HERC4: variants seen among roughly 807,000 people sequenced by gnomAD.
HERC4 encodes HECT and RLD domain containing E3 ubiquitin protein ligase 4, also known as probable E3 ubiquitin-protein ligase HERC4.
Under a neutral mutation model 124.3 loss-of-function variants are expected in HERC4, and 28 were observed. The observed-to-expected ratio is 0.23, with a 90% CI of 0.17 to 0.31. HERC4 has a LOEUF of 0.31. Among genes scored for constraint, HERC4 ranks in the 10% least tolerant of loss-of-function variants. The pLI is 1.00. For missense variants in HERC4, 713 were observed against 1,229.3 expected, an observed-to-expected ratio of 0.58 and a Z score of 6.28; for synonymous variants, 407 against 421.5, an observed-to-expected ratio of 0.97 and a Z score of 0.42.
At chr10:68,049,498 T>G (rs2040178509) in intron 3 of HERC4, among the ~76,000 whole-genome samples, 1 of 134,360 alleles carries the variant, frequency 7.4e-6, no homozygotes, top group African/African-American at 2.9e-5. Flanking sequence ...AATCTCACTA[T>G]GAGAACTGCC....
intron 19 of HERC4, among the ~76,000 whole-genome samples, chr10:67,951,725 T>C (rs2033807064): frequency 6.6e-6 from 1 of 152,172 alleles, no homozygotes; most frequent in Non-Finnish European, 1.5e-5. Context: ...TAGACTTCTT[T>C]CCATTTGCCA....
At chr10:68,047,929 G>GTT (rs561005842) in intron 3 of HERC4, among the ~76,000 whole-genome samples, 14 of 145,544 alleles carry the variant, frequency 9.6e-5, no homozygotes, top group South Asian at 8.7e-4. Flanking sequence ...TTTTGTTTTT[G>GTT]TTTTTTTTTT....
rs1032212682 is a variant in HERC4 at position 68,010,594 on chromosome 10, C to T, written c.1069+3432G>A. 2.3e-5 allele frequency: 29 copies of T among 1,249,588 alleles called. No homozygotes were observed. The South Asian group carries it at 3.3e-4, about 14-fold the overall frequency. 77.4% of individuals were successfully genotyped at this position (1,249,588 alleles called of 1,614,324 possible). On this transcript the variant is annotated intron_variant, in intron 9 of 24. Coordinates refer to ENST00000373700, the MANE Select transcript of HERC4 (RefSeq NM_015601.4). Reference sequence around the variant, plus strand: ...ATACTGGTTCGCTTTCTCTTTCAGGCCTGCACGAGGGTTTCGGCTTTGCAT... The same window carrying T: ...ATACTGGTTCGCTTTCTCTTTCAGGTCTGCACGAGGGTTTCGGCTTTGCAT...
intron 8 of HERC4, among the ~76,000 whole-genome samples, chr10:68,021,740 A>C (rs2038636810): frequency 6.6e-6 from 1 of 152,172 alleles, no homozygotes; most frequent in Non-Finnish European, 1.5e-5. Context: ...CCCAGGAGGC[A>C]GAGGTTGCGG....
At chr10:67,970,668 AGAG>A (rs2035180666) in intron 15 of HERC4, among the ~76,000 whole-genome samples, 1 of 152,088 alleles carries the variant, frequency 6.6e-6, no homozygotes, top group South Asian at 2.1e-4. Context: ...AGTCAGATTC[AGAG>A]AAGACCCAAA....
chr10:68,048,741 G>A (rs1169783913), intron 3 of HERC4, among the ~76,000 whole-genome samples: 1 of 152,062 alleles, frequency 6.6e-6, no homozygotes, highest in African/African-American at 2.4e-5. Context: ...CTGGGGAGGT[G>A]GTGCATGGTA....
At chr10:68,009,396 T>A (rs1051375626) in intron 9 of HERC4, among the ~76,000 whole-genome samples, 4 of 152,142 alleles carry the variant, frequency 2.6e-5, no homozygotes, top group Admixed American at 1.3e-4. Flanking sequence ...ATTACAGGCA[T>A]GAGCCACTGT....
At chr10:68,074,183 T>G (rs57439929) in intron 1 of HERC4, 9 of 151,968 alleles carry the variant, frequency 5.9e-5, no homozygotes, top group African/African-American at 2.2e-4. Context: ...AATAACAGAG[T>G]CCACTTCATC....
chr10:68,058,785 A>C (rs2040681626), intron 3 of HERC4, among the ~76,000 whole-genome samples: 1 of 152,124 alleles, frequency 6.6e-6, no homozygotes, highest in African/African-American at 2.4e-5. Context: ...AATGTGACCA[A>C]GAAAACAGAT....
At chr10:67,931,149 TTTTTGTATA>T (rs1466625674) in intron 23 of HERC4, among the ~76,000 whole-genome samples, 1 of 151,836 alleles carries the variant, frequency 6.6e-6, no homozygotes, top group African/African-American at 2.4e-5. Context: ...TATGCCCAAA[TTTTTGTATA>T]TTTAGTAGAG....
At chr10:68,001,720 G>A (rs372337559) in intron 9 of HERC4, among the ~76,000 whole-genome samples, 7 of 152,092 alleles carry the variant, frequency 4.6e-5, no homozygotes, top group African/African-American at 9.6e-5. Context: ...GAAACTCTCC[G>A]TACCCTCCTC....
At chr10:67,934,096 CT>C (rs2032106110) in intron 22 of HERC4, among the ~76,000 whole-genome samples, 1 of 152,170 alleles carries the variant, frequency 6.6e-6, no homozygotes, top group Non-Finnish European at 1.5e-5. Flanking sequence ...ATTCAAGCTT[CT>C]AACAACACAG....
intron 3 of HERC4, among the ~76,000 whole-genome samples, chr10:68,059,584 A>AT (rs1247502615): frequency 2.1e-5 from 2 of 94,004 alleles, no homozygotes; most frequent in Non-Finnish European, 3.7e-5. Context: ...ATCATATTAT[A>AT]TATCATATTA....
intron 3 of HERC4, among the ~76,000 whole-genome samples, chr10:68,051,919 T>G (rs113931032): frequency 0.094 from 14,307 of 151,950 alleles, 903 homozygotes; most frequent in Middle Eastern, 0.18. Flanking sequence ...CACGCCCGCC[T>G]CAGCCTCCCA....
At chr10:67,998,563 A>AAG (rs1491417387) in intron 9 of HERC4, among the ~76,000 whole-genome samples, 10 of 130,870 alleles carry the variant, frequency 7.6e-5, no homozygotes, top group African/African-American at 2.1e-4. Flanking sequence ...AAAAAAAAAA[A>AAG]GGGGGGGGGG....
chr10:68,067,499 A>C (rs1299042529), intron 3 of HERC4, among the ~76,000 whole-genome samples: 1 of 152,202 alleles, frequency 6.6e-6, no homozygotes. Context: ...TGTGTGGGAT[A>C]ATCTGGTATT....
chr10:67,966,621 TTTC>T, intron 16 of HERC4, 59 bp downstream of exon 16: 1 of 1,499,220 alleles, frequency 6.7e-7, no homozygotes. Flanking sequence ...CAAGCAATTG[TTTC>T]TTTTTTTATT....
intron 3 of HERC4, among the ~76,000 whole-genome samples, chr10:68,061,353 G>A (rs2041000239): frequency 6.6e-6 from 1 of 151,802 alleles, no homozygotes; most frequent in Non-Finnish European, 1.5e-5. Context: ...CTAACATGGT[G>A]AAACCCCATC....
intron 19 of HERC4, among the ~76,000 whole-genome samples, chr10:67,953,088 C>T (rs1462700804): frequency 1.3e-5 from 2 of 152,042 alleles, no homozygotes; most frequent in Admixed American, 1.3e-4. Context: ...ATAGCCCATA[C>T]ATTTTCAAAA....
Sources: allele counts gnomAD v4.1 joint callset (sites outside exome capture counted in the v4.1 genomes callset), GRCh38; gene constraint gnomAD v4.1.1; transcripts MANE v1.5; gene names NCBI Gene and HGNC (gene_info 2026-07-23, HGNC 2026-07-21).